The following AGMO variants were observed in gnomAD, a reference collection of about 807,000 sequenced individuals.
AGMO encodes the protein glyceryl-ether monooxygenase.
Under a neutral mutation model 60.2 loss-of-function variants are expected in AGMO, and 75 were observed. That is an observed-to-expected ratio of 1.25 (90% CI 1.03 to 1.51). The LOEUF is 1.51. Among genes scored for constraint, AGMO ranks in the 40% most tolerant of loss-of-function variants. AGMO has a pLI of 0.00. For synonymous variants in AGMO, 261 were observed against 177.1 expected (o/e 1.47, Z -3.76); for missense variants, 763 against 525.5 (o/e 1.45, Z -4.42).
chr7:15,234,760 A>T (rs1782368142), intron 12 of AGMO, among the ~76,000 whole-genome samples: 1 of 152,190 alleles, frequency 6.6e-6, no homozygotes, highest in Non-Finnish European at 1.5e-5. Flanking sequence ...ATAAAATTTT[A>T]TGATCACTGA....
chr7:15,217,744 T>TA (rs147664654), intron 12 of AGMO, among the ~76,000 whole-genome samples: 35,119 of 151,746 alleles, frequency 0.23, 4,708 homozygotes, highest in African/African-American at 0.36. Flanking sequence ...ACAGTGTGTC[T>TA]AACTGAAATT....
Position 15,531,489 on chromosome 7 carries a change from C to CTA in AGMO, c.409+13281_409+13282dup, listed in dbSNP as rs1217215550. Among the ~76,000 whole-genome samples the CTA allele has an allele frequency of 1.8e-3, 56 of 30,610 alleles. 6 individuals are homozygous for CTA. The highest frequency in any genetic ancestry group is 3.0e-3 in the African/African-American group (23 of 7,676). 20.1% of individuals were successfully genotyped at this position (30,610 alleles called of 152,430 possible). On this transcript the variant is annotated intron_variant, in intron 3 of 12. Coordinates refer to ENST00000342526, the MANE Select transcript of AGMO (RefSeq NM_001004320.2). ...TCTATATATATTCTCTATATATATTCTATATATATTCTATATATATTCTCT... is the reference window on the plus strand; with the variant it reads ...TCTATATATATTCTCTATATATATTCTATATATATATTCTATATATATTCTCT...
At chr7:15,266,826 A>G (rs1247036788) in intron 12 of AGMO, among the ~76,000 whole-genome samples, 1 of 151,940 alleles carries the variant, frequency 6.6e-6, no homozygotes, top group Non-Finnish European at 1.5e-5. Context: ...GACTGGTGCA[A>G]CAAAAATATT....
chr7:15,543,041 T>A (rs1784675343), intron 3 of AGMO, among the ~76,000 whole-genome samples: 1 of 152,116 alleles, frequency 6.6e-6, no homozygotes, highest in Non-Finnish European at 1.5e-5. Context: ...GGATATTTGG[T>A]CACACTCACT....
the AGMO span, among the ~76,000 whole-genome samples, chr7:15,125,685 G>A: frequency 1.3e-5 from 2 of 152,080 alleles, no homozygotes; most frequent in East Asian, 3.9e-4. Context: ...CTAGCCAATC[G>A]ATTGGTCCTT....
the AGMO span, among the ~76,000 whole-genome samples, chr7:15,194,897 C>A: frequency 6.6e-6 from 1 of 152,242 alleles, no homozygotes; most frequent in African/African-American, 2.4e-5. Flanking sequence ...CAGCAGACAT[C>A]ATTTTACCAG....
intron 10 of AGMO, among the ~76,000 whole-genome samples, chr7:15,380,026 A>C (rs1024929313): frequency 1.3e-5 from 2 of 152,180 alleles, no homozygotes; most frequent in Non-Finnish European, 2.9e-5. Flanking sequence ...AAAAAGATCC[A>C]TATAAGACAA....
chr7:15,418,956 G>A (rs1780855751), intron 4 of AGMO, among the ~76,000 whole-genome samples: 1 of 151,752 alleles, frequency 6.6e-6, no homozygotes, highest in Non-Finnish European at 1.5e-5. Context: ...GAATTAAAGG[G>A]ATGTTTTATG....
At chr7:15,538,629 A>C (rs1056476304) in intron 3 of AGMO, among the ~76,000 whole-genome samples, 3 of 152,224 alleles carry the variant, frequency 2.0e-5, no homozygotes, top group Non-Finnish European at 4.4e-5. Context: ...AAAAAGAAAC[A>C]CAAGTACAGA....
intron 2 of AGMO, among the ~76,000 whole-genome samples, chr7:15,553,590 A>G (rs931397607): frequency 6.6e-6 from 1 of 152,008 alleles, no homozygotes; most frequent in Non-Finnish European, 1.5e-5. Context: ...TCAGTTTAAT[A>G]CCTTTTTTAA....
chr7:15,182,422 TATTA>T, the AGMO span, among the ~76,000 whole-genome samples: 2 of 152,186 alleles, frequency 1.3e-5, no homozygotes, highest in African/African-American at 4.8e-5. Flanking sequence ...TTTATTTATT[TATTA>T]TTTTATTTGA....
At chr7:15,148,242 TCTC>T in the AGMO span, among the ~76,000 whole-genome samples, 6 of 152,152 alleles carry the variant, frequency 3.9e-5, no homozygotes, top group African/African-American at 1.4e-4. Flanking sequence ...TAGTGGTAAA[TCTC>T]TTATGAGTAA....
At chr7:15,335,703 GATTT>G (rs1372271340) in intron 12 of AGMO, among the ~76,000 whole-genome samples, 1 of 152,128 alleles carries the variant, frequency 6.6e-6, no homozygotes. Context: ...TTACTGTTAA[GATTT>G]ATTATAGCAT....
Position 15,382,808 on chromosome 7 carries a change from CTTAA to C in AGMO, c.1074+2634_1074+2637del, listed in dbSNP as rs1218146062. Among the ~76,000 whole-genome samples, 3 of 152,122 alleles carry C rather than the reference CTTAA, an allele frequency of 2.0e-5. No homozygotes were observed. The East Asian group carries it at 5.8e-4, about 29-fold the overall frequency. On this transcript the variant is annotated intron_variant, in intron 10 of 12. Coordinates refer to ENST00000342526, the MANE Select transcript of AGMO (RefSeq NM_001004320.2). ...TAATGGACACTCCTACCATAGATAT[CTTAA>C]TTAAGATGTTATCCTACAGGCATTT...
intron 12 of AGMO, among the ~76,000 whole-genome samples, chr7:15,290,092 T>C (rs976640799): frequency 1.3e-5 from 2 of 150,982 alleles, no homozygotes; most frequent in African/African-American, 4.9e-5. Context: ...TGCAGTGGCA[T>C]GATCTTGGCT....
intron 5 of AGMO, among the ~76,000 whole-genome samples, chr7:15,403,493 ATTAAC>A (rs1455835341): frequency 6.6e-5 from 10 of 152,092 alleles, no homozygotes; most frequent in African/African-American, 2.2e-4. Context: ...TTATGTATTT[ATTAAC>A]TTAAAGGTAG....
intron 3 of AGMO, among the ~76,000 whole-genome samples, chr7:15,523,770 C>A (rs910823859): frequency 6.6e-6 from 1 of 152,102 alleles, no homozygotes; most frequent in Admixed American, 6.5e-5. Context: ...ACCACCATGG[C>A]ACATGTATAC....
intron 7 of AGMO, 22 bp downstream of exon 7, chr7:15,390,818 G>GT: frequency 6.3e-7 from 1 of 1,590,350 alleles, no homozygotes; most frequent in Non-Finnish European, 8.6e-7. Context: ...TTAATTTTTT[G>GT]ATTTTAATAC....
the AGMO span, among the ~76,000 whole-genome samples, chr7:15,139,820 C>CAAAA: frequency 6.0e-5 from 4 of 66,290 alleles, no homozygotes; most frequent in African/African-American, 1.6e-4. Flanking sequence ...TCTCAAAAGA[C>CAAAA]AAAAAAAAAA....
Sources: gnomAD v4.1 joint callset for allele counts (sites outside exome capture counted in the v4.1 genomes callset) on GRCh38, gnomAD v4.1.1 for gene constraint, MANE v1.5 for transcripts, NCBI Gene and HGNC (gene_info 2026-07-23, HGNC 2026-07-21) for gene names.